The following TASP1 variants were observed in gnomAD, a reference collection of about 807,000 sequenced individuals.
TASP1 encodes taspase 1, also known as threonine aspartase 1.
In TASP1, 16 loss-of-function variants were observed where a neutral mutation model predicts 56.6. The ratio of observed to expected loss-of-function variants is 0.28; its 90% confidence interval spans 0.19 to 0.43. TASP1 has a LOEUF of 0.43. TASP1 is among the 20% of genes least tolerant of loss of function. TASP1 has a pLI of 1.00. For missense variants in TASP1, 393 were observed against 511.6 expected (o/e 0.77, Z 2.24); for synonymous variants, 179 against 184.2 (o/e 0.97, Z 0.23).
the TASP1 span, among the ~76,000 whole-genome samples, chr20:13,129,378 A>G: frequency 6.6e-6 from 1 of 152,214 alleles, no homozygotes; most frequent in Admixed American, 6.5e-5. Flanking sequence ...TTTCTGCTGT[A>G]TGAAAAACTG....
At chr20:13,246,843 T>G in the TASP1 span, among the ~76,000 whole-genome samples, 1 of 152,168 alleles carries the variant, frequency 6.6e-6, no homozygotes, top group Non-Finnish European at 1.5e-5. Flanking sequence ...CAATTTAGAG[T>G]CACTTGATAA....
At chr20:13,294,533 A>G in the TASP1 span, among the ~76,000 whole-genome samples, 1 of 152,202 alleles carries the variant, frequency 6.6e-6, no homozygotes, top group Non-Finnish European at 1.5e-5. Flanking sequence ...AGATGCACAA[A>G]GCCACATTGG....
At chr20:13,364,296 T>C in the TASP1 span, among the ~76,000 whole-genome samples, 1 of 152,118 alleles carries the variant, frequency 6.6e-6, no homozygotes, top group Non-Finnish European at 1.5e-5. Flanking sequence ...TGTTTGATGA[T>C]GAGAAATGAA....
chr20:13,417,420 C>G, intron 13 of TASP1, 28 bp downstream of exon 13: 1 of 1,613,200 alleles, frequency 6.2e-7, no homozygotes, highest in East Asian at 2.2e-5. Flanking sequence ...ACAAGGTTTT[C>G]AGGTTATGAC....
At chr20:13,183,171 A>C in the TASP1 span, among the ~76,000 whole-genome samples, 1 of 152,208 alleles carries the variant, frequency 6.6e-6, no homozygotes. Context: ...CACCATGTGA[A>C]GTCATCCAAG....
chr20:13,179,527 A>T, the TASP1 span, among the ~76,000 whole-genome samples: 1 of 151,960 alleles, frequency 6.6e-6, no homozygotes, highest in South Asian at 2.1e-4. Flanking sequence ...TTGGATTAAT[A>T]ATTCATTCTT....
At chr20:13,110,374 C>T in the TASP1 span, among the ~76,000 whole-genome samples, 12 of 152,098 alleles carry the variant, frequency 7.9e-5, no homozygotes, top group South Asian at 2.1e-4. Context: ...AGCTGTCAGA[C>T]GTGGGTTATC....
chr20:13,178,075 T>A, the TASP1 span, among the ~76,000 whole-genome samples: 1 of 151,516 alleles, frequency 6.6e-6, no homozygotes, highest in African/African-American at 2.4e-5. Flanking sequence ...ACAAAAACAA[T>A]GTAAAAATGG....
intron 10 of TASP1, among the ~76,000 whole-genome samples, chr20:13,503,217 C>A (rs1357692485): frequency 6.6e-6 from 1 of 152,044 alleles, no homozygotes; most frequent in African/African-American, 2.4e-5. Flanking sequence ...CTGTGTAACA[C>A]CCCTAAACAG....
chr20:13,270,613 G>C, the TASP1 span: 1 of 1,613,956 alleles, frequency 6.2e-7, no homozygotes, highest in African/African-American at 1.3e-5. Context: ...CCCTTCCCCA[G>C]ACCGCGATTC....
chr20:13,405,474 G>A (rs994415266), intron 13 of TASP1, among the ~76,000 whole-genome samples: 67 of 152,144 alleles, frequency 4.4e-4, no homozygotes, highest in East Asian at 3.9e-4. Flanking sequence ...TTCATCTGAC[G>A]ACAAACAGCA....
intron 4 of TASP1, among the ~76,000 whole-genome samples, chr20:13,610,873 C>G (rs1392182550): frequency 6.6e-6 from 1 of 152,168 alleles, no homozygotes; most frequent in Non-Finnish European, 1.5e-5. Context: ...AGCTGCTTAA[C>G]TTCATATTCT....
intron 7 of TASP1, among the ~76,000 whole-genome samples, chr20:13,566,514 C>T (rs1369919870): frequency 6.7e-6 from 1 of 148,656 alleles, no homozygotes; most frequent in African/African-American, 2.5e-5. Context: ...TATTGATAAA[C>T]ACAACCTGGA....
chr20:13,498,444 T>C (rs960146794), intron 10 of TASP1, among the ~76,000 whole-genome samples: 3 of 151,232 alleles, frequency 2.0e-5, no homozygotes, highest in African/African-American at 7.3e-5. Context: ...CTGCAGCCTC[T>C]GCCTCCCAGG....
the TASP1 span, among the ~76,000 whole-genome samples, chr20:13,188,960 A>G: frequency 6.6e-6 from 1 of 152,214 alleles, no homozygotes; most frequent in Non-Finnish European, 1.5e-5. Context: ...TGGTCACTGC[A>G]TTCAAATAAG....
At chr20:13,166,459 C>T in the TASP1 span, 3 of 152,102 alleles carry the variant, frequency 2.0e-5, no homozygotes, top group African/African-American at 7.2e-5. Flanking sequence ...TAAGGAATAC[C>T]GTTAGTGAAA....
intron 8 of TASP1, among the ~76,000 whole-genome samples, chr20:13,556,347 T>C (rs1327970490): frequency 2.6e-5 from 4 of 152,164 alleles, no homozygotes; most frequent in Admixed American, 2.6e-4. Context: ...CAAACTGCAA[T>C]GACTTTGTAA....
the TASP1 span, among the ~76,000 whole-genome samples, chr20:13,358,217 T>A: frequency 1.3e-5 from 2 of 152,170 alleles, no homozygotes; most frequent in Non-Finnish European, 2.9e-5. Flanking sequence ...CCCACCCTTA[T>A]CTCCCTTCGC....
At chr20:13,115,190 C>T in the TASP1 span, among the ~76,000 whole-genome samples, 55 of 152,228 alleles carry the variant, frequency 3.6e-4, no homozygotes, top group Non-Finnish European at 5.7e-4. Flanking sequence ...TTTATGCATG[C>T]GCTAGACTCA....
Sources: gnomAD v4.1 joint callset for allele counts (sites outside exome capture counted in the v4.1 genomes callset) on GRCh38, gnomAD v4.1.1 for gene constraint, MANE v1.5 for transcripts, NCBI Gene and HGNC (gene_info 2026-07-23, HGNC 2026-07-21) for gene names.